Variants in UNC13C observed in about 807,000 individuals in gnomAD.
The protein encoded by UNC13C is protein unc-13 homolog C.
UNC13C carries 174 observed loss-of-function variants against 245.4 expected under a neutral mutation model. The ratio of observed to expected loss-of-function variants is 0.71; its 90% CI spans 0.63 to 0.80. UNC13C has a LOEUF of 0.80. Among genes scored for constraint, UNC13C ranks in the 30% least tolerant of loss-of-function variants. UNC13C has a pLI of 0.00. For synonymous variants in UNC13C, 992 were observed against 895.1 expected (o/e 1.11, Z -1.93); for missense variants, 2,829 against 2,602.9 (o/e 1.09, Z -1.89).
chr15:54,078,323 G>A (rs1279315485), intron 2 of UNC13C, among the ~76,000 whole-genome samples: 2 of 152,102 alleles, frequency 1.3e-5, no homozygotes, highest in Non-Finnish European at 2.9e-5. Flanking sequence ...TTTTTTTATA[G>A]AATGATTTAT....
intron 4 of UNC13C, among the ~76,000 whole-genome samples, chr15:54,147,248 C>A (rs994403166): frequency 7.1e-6 from 1 of 141,572 alleles, no homozygotes; most frequent in Admixed American, 7.4e-5. Flanking sequence ...GAGATGGAGT[C>A]TTGCTCTGTT....
chr15:54,222,142 C>T (rs2035245957), intron 4 of UNC13C, among the ~76,000 whole-genome samples: 1 of 151,936 alleles, frequency 6.6e-6, no homozygotes. Flanking sequence ...TTTAAATGTA[C>T]AATAAATTAT....
chr15:54,606,528 G>A (rs1374697449), intron 30 of UNC13C, among the ~76,000 whole-genome samples: 2 of 152,274 alleles, frequency 1.3e-5, no homozygotes, highest in East Asian at 1.9e-4. Flanking sequence ...CTATGCAAGT[G>A]CATTACACAA....
At chr15:53,918,248 G>A in the UNC13C span, among the ~76,000 whole-genome samples, 2 of 151,992 alleles carry the variant, frequency 1.3e-5, no homozygotes, top group African/African-American at 4.8e-5. Flanking sequence ...CAGCCCCTGA[G>A]TGTGCTGCTC....
chr15:54,165,517 C>T (rs2033132802), intron 4 of UNC13C, among the ~76,000 whole-genome samples: 1 of 152,092 alleles, frequency 6.6e-6, no homozygotes, highest in Non-Finnish European at 1.5e-5. Context: ...GAGCTAGGTT[C>T]TGATTCCAGC....
At position 54,307,259 on chromosome 15, in the gene UNC13C, G is replaced by T. The variant is rs545555717; in HGVS notation, c.4268+6886G>T. 2.6e-5 allele frequency among the ~76,000 whole-genome samples: 4 copies of T among 152,026 alleles called. No homozygotes were observed. In the East Asian group the frequency reaches 7.8e-4, roughly 30 times the overall value. Reference sequence around the variant, plus strand: ...GGTGCCATCAGATCTGGTGTCTGACGAGGGCCATTTCCTGGTTCATTTATG... The same window carrying T: ...GGTGCCATCAGATCTGGTGTCTGACTAGGGCCATTTCCTGGTTCATTTATG... On this transcript the variant is annotated intron_variant, in intron 13 of 32. Transcript: ENST00000260323.
chr15:54,546,887 G>A lies in UNC13C; in HGVS notation c.5820+42G>A, dbSNP rs80298124. 1.2e-3 allele frequency: 1,884 copies of A among 1,522,834 alleles called. 17 individuals are homozygous for A. The African/African-American group carries it at 0.024, about 19-fold the overall frequency. 94.3% of individuals were successfully genotyped at this position (1,522,834 alleles called of 1,614,324 possible). A position where few individuals can be genotyped will look rare whatever the true frequency, so the allele number is the denominator to read the frequency against. ...TAGTTATGCTTTCATTAACCCATCT[G>A]TTTTTGGTTTAAGTGAATGGTTTTC... On this transcript the variant is annotated intron_variant, in intron 27 of 32. Coordinates refer to ENST00000260323, the MANE Select transcript of UNC13C (RefSeq NM_001080534.3).
Position 54,219,975 on chromosome 15 carries a change from G to C in UNC13C, c.3072-15055G>C, listed in dbSNP as rs2035170679. Among the ~76,000 whole-genome samples, 4 of 148,332 alleles carry C rather than the reference G, an allele frequency of 2.7e-5. No individual in the cohort carries two copies. The South Asian group carries it at 8.6e-4, about 32-fold the overall frequency. ...GTGCTGGAGAGGATGTGGAGAAATAGGAACACTTTTACACCGTTGGTGGGA... is the reference window on the plus strand; with the variant it reads ...GTGCTGGAGAGGATGTGGAGAAATACGAACACTTTTACACCGTTGGTGGGA... On this transcript the variant is annotated intron_variant, in intron 4 of 32. Transcript: ENST00000260323.
chr15:54,265,568 G>A, intron 10 of UNC13C, 72 bp downstream of exon 10: 8 of 1,147,950 alleles, frequency 7.0e-6, no homozygotes, highest in Non-Finnish European at 9.2e-6. Context: ...GCATACAAAG[G>A]ATGCAATAAT....
At chr15:53,994,692 C>T (rs1042727378) in intron 1 of UNC13C, among the ~76,000 whole-genome samples, 3 of 152,088 alleles carry the variant, frequency 2.0e-5, no homozygotes, top group African/African-American at 7.2e-5. Flanking sequence ...GAAGGGAGAA[C>T]AGCTTGGAAG....
intron 17 of UNC13C, among the ~76,000 whole-genome samples, chr15:54,355,425 C>T (rs921873631): frequency 5.9e-5 from 9 of 151,930 alleles, no homozygotes; most frequent in Non-Finnish European, 2.9e-5. Flanking sequence ...GGCGCGATCT[C>T]GGCTCACTGC....
In UNC13C at chr15:54,557,942, G is replaced by A. The variant is rs201682878; in HGVS notation, c.5958+2430G>A. ...CAGCCATAAAAAATGATGAGTTCAT[G>A]TCCTTTGTAGGGACATGGATGAAAT... On this transcript the variant is annotated intron_variant, in intron 29 of 32. Transcript: ENST00000260323. Among the ~76,000 whole-genome samples, 21 of 152,130 alleles carry A rather than the reference G, an allele frequency of 1.4e-4. No individual in the cohort carries two copies. The East Asian group carries it at 3.9e-3, about 28-fold the overall frequency.
chr15:54,107,304 A>G (rs942873672), intron 2 of UNC13C, among the ~76,000 whole-genome samples: 3 of 152,122 alleles, frequency 2.0e-5, no homozygotes, highest in African/African-American at 7.2e-5. Context: ...AAACATCTAT[A>G]ACAAAAAAAT....
chr15:54,139,923 A>T (rs1212049326), intron 2 of UNC13C, among the ~76,000 whole-genome samples: 1 of 152,180 alleles, frequency 6.6e-6, no homozygotes, highest in Non-Finnish European at 1.5e-5. Flanking sequence ...CCTATTGTCC[A>T]AGCACCATTT....
At chr15:54,119,353 G>A (rs916072796) in intron 2 of UNC13C, among the ~76,000 whole-genome samples, 1 of 152,018 alleles carries the variant, frequency 6.6e-6, no homozygotes, top group African/African-American at 2.4e-5. Flanking sequence ...TGATTATTAT[G>A]TGTATTATAG....
intron 18 of UNC13C, among the ~76,000 whole-genome samples, chr15:54,399,760 T>C (rs1308130583): frequency 6.6e-6 from 1 of 151,940 alleles, no homozygotes; most frequent in African/African-American, 2.4e-5. Context: ...TCAAATTGCA[T>C]GTTTTTAAAG....
chr15:54,086,715 C>G (rs962268141), intron 2 of UNC13C, among the ~76,000 whole-genome samples: 1 of 118,260 alleles, frequency 8.5e-6, no homozygotes, highest in African/African-American at 2.8e-5. Context: ...TTCACATGTA[C>G]TATGTGTTGC....
chr15:54,511,340 A>G (rs548459331), intron 23 of UNC13C, among the ~76,000 whole-genome samples: 1 of 152,224 alleles, frequency 6.6e-6, no homozygotes, highest in South Asian at 2.1e-4. Flanking sequence ...GTTTATTTTT[A>G]AAATGTTTTT....
At chr15:54,280,648 A>C (rs550450598) in intron 10 of UNC13C, among the ~76,000 whole-genome samples, 1 of 148,230 alleles carries the variant, frequency 6.7e-6, no homozygotes, top group South Asian at 2.1e-4. Flanking sequence ...ATATATAAAC[A>C]TATATGTATG....
Sources: gnomAD v4.1 joint callset for allele counts (sites outside exome capture counted in the v4.1 genomes callset) on GRCh38, gnomAD v4.1.1 for gene constraint, MANE v1.5 for transcripts, NCBI Gene and HGNC (gene_info 2026-07-23, HGNC 2026-07-21) for gene names.